TAFA1: variants seen among roughly 807,000 people sequenced by gnomAD.
TAFA1 encodes the protein TAFA chemokine like family member 1.
Under a neutral mutation model 18.5 loss-of-function variants are expected in TAFA1, and 4 were observed. The observed-to-expected ratio is 0.22, with a 90% CI of 0.11 to 0.49. The LOEUF is 0.49. Ranked by LOEUF, TAFA1 falls within the 20% of genes least tolerant of loss-of-function variation. TAFA1 has a pLI of 0.98. For missense variants in TAFA1, 147 were observed against 169.0 expected, an observed-to-expected ratio of 0.87 and a Z score of 0.72; for synonymous variants, 56 against 55.2, an observed-to-expected ratio of 1.01 and a Z score of -0.06.
In TAFA1 at chr3:68,050,943, T is replaced by G. The variant is rs144206677; in HGVS notation, c.118+44199T>G. Among the ~76,000 whole-genome samples, 790 of 152,302 alleles carry G rather than the reference T, an allele frequency of 5.2e-3. 9 individuals carry two copies. The highest frequency in any genetic ancestry group is 4.7e-3 in the Non-Finnish European group (319 of 68,022). On this transcript the variant is annotated intron_variant, in intron 2 of 4. Transcript: ENST00000478136. ...TGTTTGGCCCATAAGCCAAAGTATCTTTTCCTACAGCTGCATAATGTGAGA... is the reference window on the plus strand; with the variant it reads ...TGTTTGGCCCATAAGCCAAAGTATCGTTTCCTACAGCTGCATAATGTGAGA...
At chr3:68,472,121 C>A (rs1251099225) in intron 3 of TAFA1, among the ~76,000 whole-genome samples, 1 of 151,950 alleles carries the variant, frequency 6.6e-6, no homozygotes, top group East Asian at 1.9e-4. Flanking sequence ...GTGTCCCCAC[C>A]CAAATCTAAT....
In TAFA1 at chr3:68,315,372, C is replaced by T. The variant is rs145167898; in HGVS notation, c.119-101908C>T. Among the ~76,000 whole-genome samples, 21 of 152,182 alleles carry T rather than the reference C, an allele frequency of 1.4e-4. No individual in the cohort carries two copies. The East Asian group carries it at 3.5e-3, about 25-fold the overall frequency. ...CCTCTCAGCTTGCTTTGGGAATGGC[C>T]GTTCTACCTCCATTAAGTTGTGCAT... On this transcript the variant is annotated intron_variant, in intron 2 of 4. Coordinates refer to ENST00000478136, the MANE Select transcript of TAFA1 (RefSeq NM_213609.4).
At chr3:67,999,267 TC>T (rs66913469), upstream of TAFA1, among the ~76,000 whole-genome samples, 3,212 of 142,610 alleles carry the variant, frequency 0.023, 90 homozygotes, top group East Asian at 0.12. Flanking sequence ...ATTCTCTCTA[TC>T]CCCCCCCCCC....
intron 3 of TAFA1, among the ~76,000 whole-genome samples, chr3:68,516,917 G>A (rs1336146704): frequency 3.3e-5 from 5 of 152,172 alleles, no homozygotes; most frequent in African/African-American, 2.4e-5. Flanking sequence ...GGGACTACAG[G>A]CATGCGCCAC....
chr3:68,170,377 G>A (rs866197839), intron 2 of TAFA1, among the ~76,000 whole-genome samples: 32 of 152,274 alleles, frequency 2.1e-4, no homozygotes, highest in Middle Eastern at 3.4e-3. Context: ...ATTTCTCTGT[G>A]CAAACAGCCC....
chr3:68,247,090 C>T (rs2067096185), intron 2 of TAFA1, among the ~76,000 whole-genome samples: 1 of 152,106 alleles, frequency 6.6e-6, no homozygotes, highest in Non-Finnish European at 1.5e-5. Context: ...ATTAATACCT[C>T]CACCTACGCT....
chr3:68,263,825 C>T (rs1331694484), intron 2 of TAFA1, among the ~76,000 whole-genome samples: 1 of 152,074 alleles, frequency 6.6e-6, no homozygotes, highest in East Asian at 1.9e-4. Context: ...TATCCAAGCA[C>T]ACAAGGTGAT....
chr3:68,182,099 C>T (rs1405673698), intron 2 of TAFA1, among the ~76,000 whole-genome samples: 1 of 152,078 alleles, frequency 6.6e-6, no homozygotes, highest in African/African-American at 2.4e-5. Flanking sequence ...GTCTTAGCTA[C>T]TGGTGAGGCT....
chr3:68,065,646 A>G (rs968161850), intron 2 of TAFA1, among the ~76,000 whole-genome samples: 3 of 151,840 alleles, frequency 2.0e-5, no homozygotes, highest in Admixed American at 6.6e-5. Context: ...GACATAGATG[A>G]ATTTGTATAT....
chr3:68,134,750 G>A (rs950453267), intron 2 of TAFA1, among the ~76,000 whole-genome samples: 1 of 152,168 alleles, frequency 6.6e-6, no homozygotes, highest in African/African-American at 2.4e-5. Context: ...GATATTAAAA[G>A]GAAATATAAG....
chr3:68,453,283 A>C (rs2106901604), intron 3 of TAFA1, among the ~76,000 whole-genome samples: 1 of 152,292 alleles, frequency 6.6e-6, no homozygotes, highest in Non-Finnish European at 1.5e-5. Context: ...GACAGGTCCT[A>C]TATTAGGATG....
At chr3:68,521,900 C>G (rs1364558052) in intron 3 of TAFA1, among the ~76,000 whole-genome samples, 4 of 114,534 alleles carry the variant, frequency 3.5e-5, no homozygotes, top group Non-Finnish European at 6.6e-5. Context: ...CACTCTGTTA[C>G]GTAGGCTGAA....
intron 2 of TAFA1, among the ~76,000 whole-genome samples, chr3:68,377,216 T>C (rs2069836512): frequency 6.6e-6 from 1 of 152,144 alleles, no homozygotes; most frequent in Non-Finnish European, 1.5e-5. Flanking sequence ...AACTGGGTAA[T>C]GGGCAAAGGT....
chr3:68,452,569 A>T lies in TAFA1; in HGVS notation c.259+35149A>T, dbSNP rs1449857092. Among the ~76,000 whole-genome samples, 7 of 151,756 alleles carry T rather than the reference A, an allele frequency of 4.6e-5. No individual in the cohort carries two copies. In the East Asian group the frequency reaches 1.4e-3, roughly 29 times the overall value. ...AGCAAACAAAAAACCTGGTAAGAAC[A>T]TGTCTACTACTATGCTTACTCAGCC... On this transcript the variant is annotated intron_variant, in intron 3 of 4. Coordinates refer to ENST00000478136, the MANE Select transcript of TAFA1 (RefSeq NM_213609.4).
chr3:68,201,896 A>G (rs2066473442), intron 2 of TAFA1, among the ~76,000 whole-genome samples: 2 of 151,690 alleles, frequency 1.3e-5, no homozygotes, highest in South Asian at 4.1e-4. Flanking sequence ...TCAGTGGGGA[A>G]GCTGACACAT....
chr3:68,320,384 A>T (rs934615944), intron 2 of TAFA1, among the ~76,000 whole-genome samples: 6 of 152,192 alleles, frequency 3.9e-5, no homozygotes, highest in African/African-American at 1.2e-4. Flanking sequence ...TGCCCACTGC[A>T]GACTGTACTT....
chr3:68,393,791 A>G (rs1403910415), intron 2 of TAFA1, among the ~76,000 whole-genome samples: 1 of 152,208 alleles, frequency 6.6e-6, no homozygotes, highest in Non-Finnish European at 1.5e-5. Flanking sequence ...GATGCAAAAA[A>G]GGCCTTTGAT....
chr3:68,352,923 G>A (rs1329983521), intron 2 of TAFA1, among the ~76,000 whole-genome samples: 1 of 151,998 alleles, frequency 6.6e-6, no homozygotes, highest in Non-Finnish European at 1.5e-5. Flanking sequence ...CAGGGTATAG[G>A]GCTGCCTTTG....
At chr3:68,350,806 C>G (rs754906882) in intron 2 of TAFA1, among the ~76,000 whole-genome samples, 1 of 152,030 alleles carries the variant, frequency 6.6e-6, no homozygotes, top group South Asian at 2.1e-4. Context: ...GTCGTGTGGC[C>G]GTGGACCAGC....
Sources: allele counts gnomAD v4.1 joint callset (sites outside exome capture counted in the v4.1 genomes callset), GRCh38; gene constraint gnomAD v4.1.1; transcripts MANE v1.5; gene names NCBI Gene and HGNC (gene_info 2026-07-23, HGNC 2026-07-21).